Variants in KCNAB2 observed in about 807,000 individuals in gnomAD.
KCNAB2 encodes potassium voltage-gated channel subfamily A regulatory beta subunit 2.
In KCNAB2, 29 loss-of-function variants were observed where a neutral mutation model predicts 63.6. The ratio of observed to expected loss-of-function variants is 0.46; its 90% CI spans 0.34 to 0.62. The LOEUF is 0.62. KCNAB2 is among the 20% of genes least tolerant of loss of function. The pLI, the probability that KCNAB2 is intolerant of heterozygous loss-of-function variation, is 0.01. For synonymous variants in KCNAB2, 222 were observed against 224.2 expected (o/e 0.99, Z 0.09); for missense variants, 359 against 563.9 (o/e 0.64, Z 3.68).
In KCNAB2 at chr1:6,086,086, G is replaced by C; in HGVS notation, c.425+838G>C. On this transcript the variant is annotated intron_variant, in intron 6 of 15. Coordinates refer to ENST00000378083, the MANE Select transcript of KCNAB2 (RefSeq NM_001199862.2). The surrounding 1 kb of genome is among the most constrained non-coding windows in gnomAD (Gnocchi z 4.2). ...CATTTTGAGGCTCCCCAGACCCCTG[G>C]ACACAGCTTTATCTCAAGGTGCTGA... 2.0e-6 allele frequency: 2 copies of C among 985,418 alleles called. No homozygotes were observed. The highest frequency in any genetic ancestry group is 2.4e-6 in the Non-Finnish European group (2 of 829,950). 61.0% of individuals were successfully genotyped at this position (985,418 alleles called of 1,614,324 possible).
chr1:6,090,574 A>G, intron 9 of KCNAB2, 99 bp downstream of exon 9: 1 of 906,890 alleles, frequency 1.1e-6, no homozygotes, highest in South Asian at 1.5e-5. Flanking sequence ...CCTGCTGGGC[A>G]CCCGGGTGAG....
chr1:6,017,969 A>G (rs1191474948), intron 1 of KCNAB2, among the ~76,000 whole-genome samples: 2 of 152,152 alleles, frequency 1.3e-5, no homozygotes, highest in African/African-American at 2.4e-5. Context: ...CGGGAATGCA[A>G]TAGTGTGATC....
At chr1:6,008,133 AT>A (rs1338137383) in intron 1 of KCNAB2, among the ~76,000 whole-genome samples, 1 of 152,070 alleles carries the variant, frequency 6.6e-6, no homozygotes, top group East Asian at 1.9e-4. Flanking sequence ...AGACCCACAG[AT>A]TGTTTTCTCC....
rs1473775518 is a variant in KCNAB2, at chr1:6,071,772, C to T, written c.219-983C>T. ...CTCCTGCCGCGTGGGCTCCTCCTGC[C>T]GCGTGGGCTCCTCCTGCCACATAGG... is the stretch of plus-strand genomic sequence containing the variant. On this transcript the variant is annotated intron_variant, in intron 2 of 15. Transcript: ENST00000378083. This position sits in a 1 kb window ranked among gnomAD's most constrained non-coding sequence, Gnocchi z 8.5. Among the ~76,000 whole-genome samples the T allele has an allele frequency of 6.6e-5, 10 of 151,424 alleles. No homozygotes were observed. The highest frequency in any genetic ancestry group is 2.1e-4 in the South Asian group (1 of 4,808).
chr1:6,045,106 T>G (rs565794588), upstream of KCNAB2, among the ~76,000 whole-genome samples: 2 of 152,238 alleles, frequency 1.3e-5, no homozygotes, highest in African/African-American at 4.8e-5. The surrounding 1 kb of genome is among the most constrained non-coding windows in gnomAD (Gnocchi z 4.8). Context: ...ACCTCCAGAC[T>G]CTACGTGCTC....
intron 4 of KCNAB2, among the ~76,000 whole-genome samples, chr1:6,077,717 G>C (rs1663793392): frequency 6.6e-6 from 1 of 152,208 alleles, no homozygotes; most frequent in Non-Finnish European, 1.5e-5. Flanking sequence ...CCGGTGGGCA[G>C]AGCAGAGCCA....
In KCNAB2 at chr1:5,994,309, C is replaced by A. The variant is rs1265917939; in HGVS notation, c.-53+1521C>A. ...CTACGTGTGGAGAGTCACATCTGCC[C>A]ACCTGATTCTCGCCTGGCGGCCGTG... On this transcript the variant is annotated intron_variant, in intron 1 of 16. Transcript: ENST00000341524. This position sits in a 1 kb window ranked among gnomAD's most constrained non-coding sequence, Gnocchi z 5.4. Among the ~76,000 whole-genome samples the A allele has an allele frequency of 6.6e-6, 1 of 152,228 alleles. No homozygotes were observed. Among genetic ancestry groups the A allele is most frequent in the East Asian group, 1.9e-4 (1 of 5,200 alleles).
intron 5 of KCNAB2, among the ~76,000 whole-genome samples, chr1:6,084,545 G>A (rs1424849867): frequency 6.6e-6 from 1 of 152,240 alleles, no homozygotes; most frequent in Non-Finnish European, 1.5e-5. Context: ...TCCCGGCGCG[G>A]TGGCTCACGC....
upstream of KCNAB2, among the ~76,000 whole-genome samples, chr1:6,045,336 G>C (rs995900906): frequency 1.3e-5 from 2 of 152,122 alleles, no homozygotes; most frequent in Admixed American, 1.3e-4. This position sits in a 1 kb window ranked among gnomAD's most constrained non-coding sequence, Gnocchi z 4.8. Context: ...GTGACCCTGG[G>C]GGTCATGACC....
Position 6,035,411 on chromosome 1 carries a change from G to T in KCNAB2, c.-53+617G>T, listed in dbSNP as rs991075255. ...CCGCGTAGAGTCTGCCGGCGGGGGT[G>T]GAGGTGGGCGCAGGGAATGCTGTGA... On this transcript the variant is annotated intron_variant, in intron 1 of 15. Transcript: ENST00000164247. This position sits in a 1 kb window ranked among gnomAD's most constrained non-coding sequence, Gnocchi z 5.0. Among the ~76,000 whole-genome samples the T allele has an allele frequency of 6.6e-6, 1 of 152,170 alleles. No individual in the cohort carries two copies. The highest frequency in any genetic ancestry group is 1.5e-5 in the Non-Finnish European group (1 of 68,036).
chr1:5,996,372 T>C (rs1180133849), intron 1 of KCNAB2, among the ~76,000 whole-genome samples: 1 of 152,138 alleles, frequency 6.6e-6, no homozygotes, highest in South Asian at 2.1e-4. Context: ...ACACCCACCA[T>C]GGGATGAGCC....
At chr1:6,013,211 G>A (rs564862948) in intron 1 of KCNAB2, among the ~76,000 whole-genome samples, 4 of 152,232 alleles carry the variant, frequency 2.6e-5, no homozygotes, top group African/African-American at 4.8e-5. Flanking sequence ...TTCCTGTTCC[G>A]GGCATGAGGG....
intron 1 of KCNAB2, among the ~76,000 whole-genome samples, chr1:6,017,130 C>T (rs1354657525): frequency 6.6e-6 from 1 of 152,060 alleles, no homozygotes; most frequent in Admixed American, 6.6e-5. Flanking sequence ...TAGACTCAGG[C>T]CCACAAGGAT....
intron 1 of KCNAB2, among the ~76,000 whole-genome samples, chr1:6,046,695 T>G (rs1660955536): frequency 6.6e-6 from 1 of 152,198 alleles, no homozygotes; most frequent in Admixed American, 6.5e-5. Flanking sequence ...ACTGAAGCAA[T>G]GCCGTGTCTT....
In KCNAB2 at chr1:6,101,015, T is replaced by A. The variant is rs1056866; in HGVS notation, c.*2441T>A. On this transcript the variant is annotated 3_prime_UTR_variant, in exon 16 of 16. Coordinates refer to ENST00000378083, the MANE Select transcript of KCNAB2 (RefSeq NM_001199862.2). Reference sequence around the variant, plus strand: ...TGTCCAGTCATGTAAATAATGTGCTTTTTCTCTCCCCGAGTCTTTTTTTTT... The same window carrying A: ...TGTCCAGTCATGTAAATAATGTGCTATTTCTCTCCCCGAGTCTTTTTTTTT... 90,715 of 150,724 alleles carry A rather than the reference T, an allele frequency of 0.6. 27,520 individuals carry two copies. Among genetic ancestry groups the A allele is most frequent in the African/African-American group, 0.64 (26,221 of 41,228 alleles). 9.3% of individuals were successfully genotyped at this position (150,724 alleles called of 1,614,324 possible). A position where few individuals can be genotyped will look rare whatever the true frequency, so the allele number is the denominator to read the frequency against.
chr1:5,999,969 C>G (rs977906399), intron 1 of KCNAB2, among the ~76,000 whole-genome samples: 5 of 151,584 alleles, frequency 3.3e-5, no homozygotes, highest in Admixed American at 2.6e-4. Flanking sequence ...CGCACCCTGC[C>G]TGCACCCCAT....
At chr1:6,098,161 A>G (rs1422463716) in intron 15 of KCNAB2, 5 of 1,080,304 alleles carry the variant, frequency 4.6e-6, no homozygotes, top group Middle Eastern at 4.2e-4. Flanking sequence ...GCGCAGCTGG[A>G]AAAAGCAGTC....
intron 1 of KCNAB2, among the ~76,000 whole-genome samples, chr1:5,993,301 C>A (rs1276905312): frequency 1.3e-5 from 2 of 151,896 alleles, no homozygotes; most frequent in Non-Finnish European, 2.9e-5. Flanking sequence ...CTTTCCCCAC[C>A]CTCCCATTCT....
intron 13 of KCNAB2, 49 bp downstream of exon 13, chr1:6,095,673 G>C (rs1007635640): frequency 8.4e-6 from 13 of 1,556,672 alleles, no homozygotes; most frequent in African/African-American, 1.4e-5. Flanking sequence ...TAGGCATTTT[G>C]GACGGGTGGG....
Sources: allele counts gnomAD v4.1 joint callset (sites outside exome capture counted in the v4.1 genomes callset), GRCh38; gene constraint gnomAD v4.1.1; non-coding constraint Gnocchi (gnomAD v3.1); transcripts MANE v1.5; gene names NCBI Gene and HGNC (gene_info 2026-07-23, HGNC 2026-07-21).